Variants in MORC1 observed in about 807,000 individuals in gnomAD.
MORC1 encodes the protein MORC family CW-type zinc finger protein 1.
Under a neutral mutation model 134.9 loss-of-function variants are expected in MORC1, and 59 were observed. The ratio of observed to expected loss-of-function variants is 0.44; its 90% confidence interval spans 0.35 to 0.54. The LOEUF is 0.54. Among genes scored for constraint, MORC1 ranks in the 20% least tolerant of loss-of-function variants. The pLI, the probability that MORC1 is intolerant of heterozygous loss-of-function variation, is 0.00. For missense variants in MORC1, 947 were observed against 1,134.5 expected, an observed-to-expected ratio of 0.83 and a Z score of 2.37; for synonymous variants, 395 against 391.7, an observed-to-expected ratio of 1.01 and a Z score of -0.10.
intron 26 of MORC1, among the ~76,000 whole-genome samples, chr3:108,968,501 T>A (rs1947279530): frequency 6.6e-6 from 1 of 152,224 alleles, no homozygotes; most frequent in Non-Finnish European, 1.5e-5. Context: ...TACTTCACCA[T>A]TCTTTTTCAC....
At chr3:109,102,086 CTGAGTAT>C (rs1461122526) in intron 4 of MORC1, among the ~76,000 whole-genome samples, 17 of 152,170 alleles carry the variant, frequency 1.1e-4, no homozygotes, top group South Asian at 8.3e-4. Flanking sequence ...TCATTTCTGA[CTGAGTAT>C]TAAGTGAAGA....
intron 4 of MORC1, among the ~76,000 whole-genome samples, 178 bp downstream of exon 4, chr3:109,103,671 A>T (rs1950970604): frequency 6.6e-6 from 1 of 152,244 alleles, no homozygotes; most frequent in African/African-American, 2.4e-5. Context: ...GATGGTTACA[A>T]TAAATTTACT....
In MORC1 at chr3:108,979,652, C is replaced by T. The variant is rs75923723; in HGVS notation, c.2340G>A (p.Pro780=). 9.9e-6 allele frequency: 16 copies of T among 1,613,632 alleles called. No individual in the cohort carries two copies. In the Middle Eastern group the frequency reaches 5.0e-4, roughly 50 times the overall value. The change falls in exon 24 of 28, where the codon CCG becomes CCA. Residue 780 remains proline (P), a synonymous_variant. Transcript: ENST00000232603. Reference sequence around the variant, plus strand: ...CAGAACTTAGATTCACATCTTCCATCGGCACATTGAGCAAGCTGAGGTTTG... The same window carrying T: ...CAGAACTTAGATTCACATCTTCCATTGGCACATTGAGCAAGCTGAGGTTTG... ...LPSWKSLLNV[P]MEDVNLSSGH...
chr3:109,055,085 A>C (rs1949925621), intron 13 of MORC1, among the ~76,000 whole-genome samples: 1 of 152,168 alleles, frequency 6.6e-6, no homozygotes, highest in Admixed American at 6.5e-5. Flanking sequence ...TAATAAAAAA[A>C]TCACTTTAGC....
At chr3:108,968,118 T>C (rs1200368577) in intron 26 of MORC1, among the ~76,000 whole-genome samples, 1 of 152,200 alleles carries the variant, frequency 6.6e-6, no homozygotes, top group African/African-American at 2.4e-5. Flanking sequence ...ATGAAAATAA[T>C]ATTAGTGGTA....
At position 109,057,206 on chromosome 3, in the gene MORC1, C is replaced by T. The variant is rs117245020; in HGVS notation, c.1175+137G>A. 8.2e-4 allele frequency: 681 copies of T among 829,712 alleles called. 4 individuals are homozygous for T. In the East Asian group the frequency reaches 0.018, roughly 22 times the overall value. The allele number at this position is 829,712 out of a possible 1,614,324, so 51.4% of individuals were successfully genotyped here. On this transcript the variant is annotated intron_variant, in intron 13 of 27. Transcript: ENST00000232603. ...TATCAATGAGGCAGATTAATGCCTG[C>T]ACTTCAACAGGAAGGGTGAACAGAG...
intron 13 of MORC1, among the ~76,000 whole-genome samples, chr3:109,055,548 T>C (rs1002297382): frequency 2.6e-5 from 4 of 152,226 alleles, no homozygotes; most frequent in Non-Finnish European, 1.5e-5. Flanking sequence ...CCTTTCACTA[T>C]TCATTCTCTA....
chr3:109,007,939 ATATG>A (rs1304629816), intron 17 of MORC1, among the ~76,000 whole-genome samples: 2 of 136,734 alleles, frequency 1.5e-5, no homozygotes, highest in African/African-American at 5.2e-5. Flanking sequence ...AAGCACATAT[ATATG>A]TGTGTGTGTG....
In MORC1 at chr3:109,067,162, A is replaced by G. The variant is rs78665688; in HGVS notation, c.815+2470T>C. ...GACCATGCGGTTCCTATGAATGCAC[A>G]GTAACACCCATCCCAACTCATTTGG... On this transcript the variant is annotated intron_variant, in intron 9 of 27. Coordinates refer to ENST00000232603, the MANE Select transcript of MORC1 (RefSeq NM_014429.4). Among the ~76,000 whole-genome samples, 777 of 152,330 alleles carry G rather than the reference A, an allele frequency of 5.1e-3. 18 individuals are homozygous for G. The highest frequency in any genetic ancestry group is 0.018 in the African/African-American group (745 of 41,566).
chr3:109,058,460 G>A (rs6799646), intron 12 of MORC1, among the ~76,000 whole-genome samples: 30,992 of 151,826 alleles, frequency 0.2, 3,515 homozygotes, highest in Middle Eastern at 0.33. Context: ...CACAAACTTG[G>A]CCTTTTGTTT....
chr3:108,963,227 C>G (rs1290680563), intron 27 of MORC1, among the ~76,000 whole-genome samples, 187 bp downstream of exon 27: 2 of 151,642 alleles, frequency 1.3e-5, no homozygotes, highest in Non-Finnish European at 1.5e-5. Context: ...CACAGAGTTT[C>G]TAAATGTTCT....
intron 3 of MORC1, 35 bp downstream of exon 3, chr3:109,110,714 A>G (rs747660422): frequency 1.3e-6 from 2 of 1,529,786 alleles, no homozygotes; most frequent in Non-Finnish European, 1.8e-6. Flanking sequence ...TCTTTCCATT[A>G]GAAGAAAATA....
At chr3:109,079,306 C>T (rs1186041002) in intron 8 of MORC1, among the ~76,000 whole-genome samples, 1 of 152,008 alleles carries the variant, frequency 6.6e-6, no homozygotes, top group Admixed American at 6.6e-5. Flanking sequence ...GCAAAGATCA[C>T]TCAACATCAT....
At chr3:109,107,717 T>A (rs1559956879) in intron 3 of MORC1, among the ~76,000 whole-genome samples, 1 of 152,236 alleles carries the variant, frequency 6.6e-6, no homozygotes, top group Admixed American at 6.5e-5. Flanking sequence ...TATTGATGCA[T>A]AAGCATTGTC....
At chr3:109,117,500 T>C (rs1951298340) in intron 1 of MORC1, among the ~76,000 whole-genome samples, 1 of 152,066 alleles carries the variant, frequency 6.6e-6, no homozygotes, top group Non-Finnish European at 1.5e-5. Context: ...CCTGAGAAGC[T>C]CTAAAAGGCA....
chr3:109,034,599 CCTA>C (rs1262701410), intron 15 of MORC1, among the ~76,000 whole-genome samples: 2 of 152,102 alleles, frequency 1.3e-5, no homozygotes, highest in African/African-American at 4.8e-5. Flanking sequence ...TTACTAAATT[CCTA>C]CTATGTATTA....
At chr3:109,058,874 A>G (rs376434638) in intron 12 of MORC1, among the ~76,000 whole-genome samples, 1 of 152,080 alleles carries the variant, frequency 6.6e-6, no homozygotes, top group South Asian at 2.1e-4. Context: ...GGCAACTGGC[A>G]TTATTATTAA....
chr3:109,018,831 T>C (rs1383236869), intron 17 of MORC1: 1 of 152,216 alleles, frequency 6.6e-6, no homozygotes, highest in Admixed American at 6.5e-5. Context: ...ATTCACGGGT[T>C]CTAAAATTTG....
intron 27 of MORC1, among the ~76,000 whole-genome samples, chr3:108,961,807 G>A (rs867737329): frequency 4.6e-5 from 7 of 152,326 alleles, no homozygotes; most frequent in Non-Finnish European, 1.0e-4. Context: ...GGCAGAGAAG[G>A]AGTAGTAAAC....
Sources: allele counts gnomAD v4.1 joint callset (sites outside exome capture counted in the v4.1 genomes callset), GRCh38; gene constraint gnomAD v4.1.1; transcripts MANE v1.5; gene names NCBI Gene and HGNC (gene_info 2026-07-23, HGNC 2026-07-21).